The following TRDN variants were observed in gnomAD, a reference collection of about 807,000 sequenced individuals.
TRDN encodes the protein triadin, also known as triadin in skeletal muscle.
In TRDN, 161 loss-of-function variants were observed where a neutral mutation model predicts 149.7. The observed-to-expected ratio is 1.08, with a 90% CI of 0.95 to 1.23. The LOEUF (loss-of-function observed/expected upper bound fraction) is 1.23. TRDN is among the 50% of genes most tolerant of loss of function. The pLI, the probability that TRDN is intolerant of heterozygous loss-of-function variation, is 0.00. For synonymous variants in TRDN, 294 were observed against 250.5 expected (o/e 1.17, Z -1.64); for missense variants, 896 against 823.5 (o/e 1.09, Z -1.08).
At chr6:123,539,772 G>C (rs1040630388) in intron 4 of TRDN, among the ~76,000 whole-genome samples, 3 of 152,186 alleles carry the variant, frequency 2.0e-5, no homozygotes, top group African/African-American at 7.2e-5. Flanking sequence ...TAGCCATTGT[G>C]TGTAAACAAA....
At chr6:123,471,651 T>C (rs1355418292) in intron 9 of TRDN, 1 of 152,206 alleles carries the variant, frequency 6.6e-6, no homozygotes, top group African/African-American at 2.4e-5. Flanking sequence ...GCTTCCCTAA[T>C]ATATTTCCAC....
At chr6:123,316,428 T>C (rs749250329) in intron 24 of TRDN, 29 bp downstream of exon 24, 100 of 1,601,366 alleles carry the variant, frequency 6.2e-5, no homozygotes, top group Non-Finnish European at 8.1e-5. Context: ...AACATCTCCT[T>C]GTATGTAAAT....
chr6:123,240,798 T>G (rs954770909), intron 38 of TRDN, among the ~76,000 whole-genome samples: 1 of 151,946 alleles, frequency 6.6e-6, no homozygotes, highest in Non-Finnish European at 1.5e-5. Context: ...AATTGATTAA[T>G]TTATTTAAAA....
chr6:123,498,492 G>T, intron 8 of TRDN: 1 of 468,028 alleles, frequency 2.1e-6, no homozygotes, highest in Non-Finnish European at 4.4e-6. Context: ...CAAAAATTTA[G>T]ATGTATTTTA....
chr6:123,354,267 T>C (rs917343748), intron 20 of TRDN, among the ~76,000 whole-genome samples: 9 of 151,904 alleles, frequency 5.9e-5, no homozygotes, highest in African/African-American at 2.2e-4. Flanking sequence ...GAGTGCACAT[T>C]ATTTTACCTT....
chr6:123,294,286 A>G (rs185034739), intron 24 of TRDN, among the ~76,000 whole-genome samples: 1 of 152,274 alleles, frequency 6.6e-6, no homozygotes, highest in East Asian at 1.9e-4. Flanking sequence ...GCCAACTATC[A>G]AAAGTGCCTT....
At chr6:123,285,451 C>T (rs956953689) in intron 24 of TRDN, among the ~76,000 whole-genome samples, 2 of 152,014 alleles carry the variant, frequency 1.3e-5, no homozygotes, top group African/African-American at 4.8e-5. Flanking sequence ...ACACCCTATT[C>T]AACAAATGGT....
intron 4 of TRDN, among the ~76,000 whole-genome samples, chr6:123,537,691 T>G (rs762280737): frequency 6.6e-6 from 1 of 152,162 alleles, no homozygotes; most frequent in African/African-American, 2.4e-5. Flanking sequence ...AACTTCCATA[T>G]GTAACTGGGA....
intron 11 of TRDN, 127 bp downstream of exon 11, chr6:123,438,817 G>T: frequency 1.5e-6 from 1 of 682,134 alleles, no homozygotes; most frequent in Non-Finnish European, 2.4e-6. Flanking sequence ...TGTTAAGAGT[G>T]TTCACTAATA....
chr6:123,377,642 A>G (rs1242395841), intron 18 of TRDN, 74 bp downstream of exon 18: 1 of 1,563,834 alleles, frequency 6.4e-7, no homozygotes, highest in Non-Finnish European at 8.8e-7. Context: ...CTGCCTTACC[A>G]CCTGTTTGAG....
intron 23 of TRDN, among the ~76,000 whole-genome samples, chr6:123,319,524 A>G (rs1013773529): frequency 2.0e-5 from 3 of 152,124 alleles, no homozygotes; most frequent in African/African-American, 7.2e-5. Context: ...ATGAAAAGTT[A>G]TAATGAGATG....
chr6:123,347,763 T>C (rs1197171777), intron 21 of TRDN, among the ~76,000 whole-genome samples: 1 of 152,084 alleles, frequency 6.6e-6, no homozygotes, highest in Non-Finnish European at 1.5e-5. Flanking sequence ...TGGAAGGTCC[T>C]TTAGAGATAG....
chr6:123,283,985 CATAT>C lies in TRDN; in HGVS notation c.1511-4907_1511-4904del, dbSNP rs57419103. Reference sequence around the variant, plus strand: ...ATAGGTGCAGCACACCAACATGGCACATATATATATATATATATGTAACAAACCT... The same window carrying C: ...ATAGGTGCAGCACACCAACATGGCACATATATATATATATGTAACAAACCT... On this transcript the variant is annotated intron_variant, in intron 24 of 40. Transcript: ENST00000334268. Among the ~76,000 whole-genome samples, 7 of 57,200 alleles carry C rather than the reference CATAT, an allele frequency of 1.2e-4. 3 individuals carry two copies. The East Asian group carries it at 3.5e-3, about 28-fold the overall frequency. 37.5% of individuals were successfully genotyped at this position (57,200 alleles called of 152,430 possible).
intron 10 of TRDN, among the ~76,000 whole-genome samples, chr6:123,448,743 C>T (rs929254463): frequency 1.3e-5 from 2 of 152,140 alleles, no homozygotes; most frequent in South Asian, 4.1e-4. Flanking sequence ...ACCTCCTGCA[C>T]TTTGGTGCAG....
chr6:123,322,927 C>T (rs1779302320), intron 23 of TRDN, among the ~76,000 whole-genome samples: 1 of 152,084 alleles, frequency 6.6e-6, no homozygotes, highest in African/African-American at 2.4e-5. Flanking sequence ...GCATAAGCCA[C>T]CGCGCTTGGC....
At chr6:123,278,141 G>A (rs1443191091) in intron 26 of TRDN, among the ~76,000 whole-genome samples, 177 bp downstream of exon 26, 1 of 151,982 alleles carries the variant, frequency 6.6e-6, no homozygotes, top group Non-Finnish European at 1.5e-5. Context: ...TGCAAATAGA[G>A]GTTTTTCTAG....
chr6:123,522,517 C>CAT (rs1554253027), intron 5 of TRDN, among the ~76,000 whole-genome samples: 1 of 87,226 alleles, frequency 1.1e-5, no homozygotes, highest in Non-Finnish European at 2.0e-5. Flanking sequence ...TGCGGTTCCT[C>CAT]TTTTTTTTTT....
At chr6:123,368,825 C>T (rs933098536) in intron 19 of TRDN, among the ~76,000 whole-genome samples, 2 of 152,112 alleles carry the variant, frequency 1.3e-5, no homozygotes, top group African/African-American at 2.4e-5. Flanking sequence ...TACTTCCATT[C>T]CTTGTTCTTG....
intron 13 of TRDN, among the ~76,000 whole-genome samples, chr6:123,390,004 A>C (rs1562290818): frequency 6.6e-6 from 1 of 152,142 alleles, no homozygotes; most frequent in Non-Finnish European, 1.5e-5. Context: ...TCCTTCAAAA[A>C]ATTTTACAAT....
Sources: allele counts gnomAD v4.1 joint callset (sites outside exome capture counted in the v4.1 genomes callset), GRCh38; gene constraint gnomAD v4.1.1; transcripts MANE v1.5; gene names NCBI Gene and HGNC (gene_info 2026-07-23, HGNC 2026-07-21).